Variants in CNTNAP3B observed in about 807,000 individuals in gnomAD.
CNTNAP3B encodes contactin associated protein family member 3B.
A neutral mutation model predicts 108.9 loss-of-function variants in CNTNAP3B; 25 were observed. The observed-to-expected ratio is 0.23, with a 90% CI of 0.17 to 0.32. The LOEUF is 0.32. CNTNAP3B is among the 10% of genes least tolerant of loss of function. The probability of loss-of-function intolerance (pLI) is 1.00; values close to 1 mark genes in which losing one functional copy is unlikely to be tolerated. For missense variants in CNTNAP3B, 252 were observed against 1,210.4 expected (o/e 0.21, Z 11.75); for synonymous variants, 103 against 473.4 (o/e 0.22, Z 10.16).
At chr9:42,032,716 C>T (rs1359419824) in intron 3 of CNTNAP3B, among the ~76,000 whole-genome samples, 2 of 121,414 alleles carry the variant, frequency 1.6e-5, no homozygotes, top group Non-Finnish European at 3.4e-5. Context: ...TTGAGGCTGT[C>T]ATAACAAAAT....
chr9:41,936,645 C>T (rs1182596852), intron 14 of CNTNAP3B, among the ~76,000 whole-genome samples: 1 of 152,258 alleles, frequency 6.6e-6, no homozygotes, highest in Non-Finnish European at 1.5e-5. Flanking sequence ...TGGTACAAAA[C>T]CATTTTAACT....
At chr9:42,014,605 A>G (rs1826187836) in intron 3 of CNTNAP3B, among the ~76,000 whole-genome samples, 1 of 112,008 alleles carries the variant, frequency 8.9e-6, no homozygotes, top group Middle Eastern at 3.8e-3. Context: ...CCTGGCTAAC[A>G]CGGTGAAACC....
chr9:41,957,964 G>T (rs1395397288), intron 12 of CNTNAP3B, among the ~76,000 whole-genome samples: 9 of 152,310 alleles, frequency 5.9e-5, no homozygotes, highest in Non-Finnish European at 1.0e-4. Context: ...GGGTTTCACA[G>T]TGTTAGCCAG....
At position 42,030,813 on chromosome 9, in the gene CNTNAP3B, G is replaced by GGAGAGAGAGAGAGAGA. The variant is rs71274672; in HGVS notation, c.391-17304_391-17289dup. Reference sequence around the variant, plus strand: ...TGTGCGAGAGAGAGAGAGAGAGAGAGGAGAGAGAGAGAGAGAGAGAGAGAG... The same window carrying GGAGAGAGAGAGAGAGA: ...TGTGCGAGAGAGAGAGAGAGAGAGAGGAGAGAGAGAGAGAGAGAGAGAGAGAGAGAGAGAGAGAGAG... On this transcript the variant is annotated intron_variant, in intron 3 of 23. Coordinates refer to ENST00000377561, the MANE Select transcript of CNTNAP3B (RefSeq NM_001201380.3). Among the ~76,000 whole-genome samples, 234 of 65,730 alleles carry GGAGAGAGAGAGAGAGA rather than the reference G, an allele frequency of 3.6e-3. 11 individuals carry two copies. The highest frequency in any genetic ancestry group is 7.4e-3 in the African/African-American group (94 of 12,736). The allele number at this position is 65,730 out of a possible 152,430, so 43.1% of individuals were successfully genotyped here.
chr9:41,956,334 C>T (rs186899070), intron 12 of CNTNAP3B, among the ~76,000 whole-genome samples: 2,092 of 151,416 alleles, frequency 0.014, 19 homozygotes, highest in African/African-American at 0.034. Flanking sequence ...TGCAGTGAGC[C>T]GAGATCGTGC....
intron 6 of CNTNAP3B, 48 bp from the exon 7 acceptor site, chr9:41,996,396 T>C (rs764972475): frequency 4.7e-5 from 60 of 1,271,080 alleles, no homozygotes; most frequent in Non-Finnish European, 5.9e-5. Flanking sequence ...GATTTTCTGA[T>C]GGTACGTGTT....
At chr9:41,962,483 G>T (rs1301779233) in intron 11 of CNTNAP3B, among the ~76,000 whole-genome samples, 11 of 151,138 alleles carry the variant, frequency 7.3e-5, no homozygotes, top group African/African-American at 2.7e-4. Context: ...AATGCTGAGT[G>T]TGGTGGCAGA....
At chr9:41,968,617 T>G (rs1170753026) in intron 10 of CNTNAP3B, among the ~76,000 whole-genome samples, 1 of 143,560 alleles carries the variant, frequency 7.0e-6, no homozygotes, top group Non-Finnish European at 1.5e-5. Context: ...AAAGTCCATA[T>G]GAATGAACTT....
At chr9:42,015,432 C>A (rs1286489140) in intron 3 of CNTNAP3B, among the ~76,000 whole-genome samples, 1 of 64,956 alleles carries the variant, frequency 1.5e-5, no homozygotes, top group Non-Finnish European at 3.1e-5. Flanking sequence ...ATTTGCACAA[C>A]CTCTGCACTC....
intron 3 of CNTNAP3B, among the ~76,000 whole-genome samples, chr9:42,030,083 G>T (rs563536030): frequency 1.5e-5 from 1 of 67,978 alleles, no homozygotes; most frequent in Non-Finnish European, 2.6e-5. Flanking sequence ...GGCGGAGCTT[G>T]CAGTGAGCTA....
intron 3 of CNTNAP3B, among the ~76,000 whole-genome samples, chr9:42,034,209 T>TCTATCTATCTATCTATCTAC (rs1355339196): frequency 7.4e-6 from 1 of 135,744 alleles, no homozygotes; most frequent in South Asian, 2.4e-4. Context: ...TATCTATCTA[T>TCTATCTATCTATCTATCTAC]CTATTTCTCA....
In CNTNAP3B at chr9:41,953,304, C is replaced by T. The variant is rs755754201; in HGVS notation, c.1959G>A (p.Ser653=). Residue 653 remains serine, a synonymous_variant, in exon 13 of 24, where the codon TCG becomes TCA. Transcript: ENST00000377561. ...CCGCTGCGTACGCGAAGGACACAGCCGAGAGCGGGTGCCCGCTGGGGGCAC... is the reference window on the plus strand; with the variant it reads ...CCGCTGCGTACGCGAAGGACACAGCTGAGAGCGGGTGCCCGCTGGGGGCAC... ...LRGAPSGHPL[S]AVSFAYAAGA... is the part of the protein sequence containing the mutation. 2.7e-4 allele frequency: 422 copies of T among 1,535,898 alleles called. 1 individual carries two copies. In the African/African-American group the frequency reaches 4.8e-3, roughly 17 times the overall value.
intron 3 of CNTNAP3B, among the ~76,000 whole-genome samples, chr9:42,041,558 G>T (rs1444581028): frequency 6.9e-6 from 1 of 143,968 alleles, no homozygotes; most frequent in Non-Finnish European, 1.5e-5. Flanking sequence ...ACGCCAGTTA[G>T]AATGGTGATC....
chr9:42,107,648 T>C (rs1405684368), intron 1 of CNTNAP3B, among the ~76,000 whole-genome samples: 1 of 132,536 alleles, frequency 7.5e-6, no homozygotes, highest in Non-Finnish European at 1.6e-5. Context: ...TGAAGAAAAT[T>C]TCTGGCACAG....
intron 18 of CNTNAP3B, among the ~76,000 whole-genome samples, chr9:41,916,421 T>G (rs1214641295): frequency 2.0e-5 from 3 of 151,790 alleles, no homozygotes; most frequent in Non-Finnish European, 4.4e-5. Flanking sequence ...TTATTAGTGC[T>G]ATTTGTTTTT....
At chr9:41,982,158 T>C (rs1469919912) in intron 9 of CNTNAP3B, among the ~76,000 whole-genome samples, 3 of 68,732 alleles carry the variant, frequency 4.4e-5, no homozygotes, top group Admixed American at 1.7e-4. Flanking sequence ...ACACAGGACA[T>C]GGCAAAAATT....
intron 2 of CNTNAP3B, among the ~76,000 whole-genome samples, chr9:42,104,295 TA>T (rs796417834): frequency 6.4e-4 from 32 of 49,964 alleles, no homozygotes; most frequent in Middle Eastern, 8.5e-3. Context: ...GAATCCAAGG[TA>T]AAAAAAAAAA....
intron 14 of CNTNAP3B, among the ~76,000 whole-genome samples, chr9:41,930,094 T>C (rs1211100995): frequency 6.6e-6 from 1 of 152,418 alleles, no homozygotes; most frequent in African/African-American, 2.4e-5. Context: ...TTTAAAGTCC[T>C]TTTATGATTA....
At chr9:42,128,154 GAA>G (rs1419276777) in intron 1 of CNTNAP3B, among the ~76,000 whole-genome samples, 1 of 134,654 alleles carries the variant, frequency 7.4e-6, no homozygotes. Flanking sequence ...ACTCCAAGCC[GAA>G]AAAAAAATGT....
Sources: allele counts gnomAD v4.1 joint callset (sites outside exome capture counted in the v4.1 genomes callset), GRCh38; gene constraint gnomAD v4.1.1; transcripts MANE v1.5; gene names NCBI Gene and HGNC (gene_info 2026-07-23, HGNC 2026-07-21).